Variants in MTSS1 observed in about 807,000 individuals in gnomAD.
The protein encoded by MTSS1 is protein MTSS 1.
MTSS1 carries 18 observed loss-of-function variants against 79.0 expected under a neutral mutation model. The ratio of observed to expected loss-of-function variants is 0.23; its 90% confidence interval spans 0.16 to 0.34. The LOEUF (loss-of-function observed/expected upper bound fraction) is 0.34, where lower values mean the gene tolerates loss of function less well. Among genes scored for constraint, MTSS1 ranks in the 10% least tolerant of loss-of-function variants. The pLI is 1.00. For missense variants in MTSS1, 815 were observed against 986.2 expected, an observed-to-expected ratio of 0.83 and a Z score of 2.33; for synonymous variants, 341 against 368.6, an observed-to-expected ratio of 0.93 and a Z score of 0.86.
intron 3 of MTSS1, among the ~76,000 whole-genome samples, chr8:124,613,149 C>T (rs979947829): frequency 2.0e-5 from 3 of 152,186 alleles, no homozygotes; most frequent in African/African-American, 7.2e-5. Context: ...CAGGGCAACC[C>T]ACCGAACAGG....
chr8:124,703,566 C>T (rs1304679758), intron 2 of MTSS1, among the ~76,000 whole-genome samples: 1 of 152,216 alleles, frequency 6.6e-6, no homozygotes, highest in East Asian at 1.9e-4. Context: ...ACTGGGATTA[C>T]AGGTGTGAGC....
chr8:124,580,063 T>G (rs1320747613), intron 6 of MTSS1: 1 of 152,468 alleles, frequency 6.6e-6, no homozygotes, highest in Admixed American at 6.5e-5. Flanking sequence ...AAATGAATCA[T>G]TGGTTATGGA....
intron 3 of MTSS1, among the ~76,000 whole-genome samples, chr8:124,592,346 C>T (rs1335322859): frequency 6.6e-6 from 1 of 152,124 alleles, no homozygotes; most frequent in Non-Finnish European, 1.5e-5. Flanking sequence ...CACTGGAGGG[C>T]ACAATTATGA....
At chr8:124,565,781 G>A in intron 8 of MTSS1, 22 bp from the exon 9 acceptor site, 2 of 1,570,376 alleles carry the variant, frequency 1.3e-6, no homozygotes, top group Non-Finnish European at 1.8e-6. Flanking sequence ...GAGCCAGCTG[G>A]GTGAATGAGG....
At chr8:124,636,757 G>A (rs1407090704) in intron 3 of MTSS1, among the ~76,000 whole-genome samples, 1 of 152,138 alleles carries the variant, frequency 6.6e-6, no homozygotes, top group Non-Finnish European at 1.5e-5. Flanking sequence ...CATTGGAGAG[G>A]GTGCCCTTGA....
At chr8:124,591,332 T>G in intron 3 of MTSS1, 97 bp from the exon 4 acceptor site, 3 of 976,724 alleles carry the variant, frequency 3.1e-6, no homozygotes, top group Non-Finnish European at 4.9e-6. Flanking sequence ...TTTCACCACA[T>G]TGTAAAATAT....
chr8:124,700,254 G>C (rs1829523659), intron 2 of MTSS1, among the ~76,000 whole-genome samples: 1 of 152,194 alleles, frequency 6.6e-6, no homozygotes, highest in Non-Finnish European at 1.5e-5. Context: ...AAGTGGTAGA[G>C]GTGAAATTAA....
rs148241185 is a variant in MTSS1, at chr8:124,566,962, G to A, written c.726+109C>T. The A allele has an allele frequency of 3.7e-4, 292 of 794,950 alleles. 5 individuals are homozygous for A. In the East Asian group the frequency reaches 5.1e-3, roughly 14 times the overall value. The allele number at this position is 794,950 out of a possible 1,614,324, so 49.2% of individuals were successfully genotyped here. ...CATATATTACATCATGAAGGACGTGGTGAATATGACTACAATTTAAGACGT... is the reference window on the plus strand; with the variant it reads ...CATATATTACATCATGAAGGACGTGATGAATATGACTACAATTTAAGACGT... On this transcript the variant is annotated intron_variant, in intron 8 of 13. Transcript: ENST00000518547.
intron 3 of MTSS1, among the ~76,000 whole-genome samples, chr8:124,691,773 C>G (rs1044393089): frequency 2.0e-5 from 3 of 152,172 alleles, no homozygotes; most frequent in African/African-American, 7.2e-5. Context: ...GCCCCTGCCT[C>G]CCAAAGCACT....
chr8:124,596,294 G>C (rs1161621363), intron 3 of MTSS1, among the ~76,000 whole-genome samples: 3 of 152,002 alleles, frequency 2.0e-5, no homozygotes, highest in African/African-American at 7.3e-5. Context: ...CCAACGTGTT[G>C]CTAAAAGAAA....
intron 3 of MTSS1, among the ~76,000 whole-genome samples, chr8:124,604,329 T>C (rs1834437458): frequency 6.6e-6 from 1 of 152,122 alleles, no homozygotes; most frequent in Non-Finnish European, 1.5e-5. Flanking sequence ...CAACAGGCCA[T>C]GGGTTGGACA....
intron 3 of MTSS1, among the ~76,000 whole-genome samples, chr8:124,647,977 G>A (rs561919538): frequency 1.3e-5 from 2 of 152,314 alleles, no homozygotes; most frequent in Admixed American, 6.5e-5. Flanking sequence ...TCAACCTAGC[G>A]TTTCAAGAGT....
intron 3 of MTSS1, 127 bp downstream of exon 3, chr8:124,699,399 A>G: frequency 1.3e-6 from 1 of 796,110 alleles, no homozygotes; most frequent in East Asian, 2.7e-5. Flanking sequence ...AGAGTTTTAA[A>G]AAATGGGAAA....
At chr8:124,633,832 T>C (rs1278162752) in intron 3 of MTSS1, among the ~76,000 whole-genome samples, 2 of 151,646 alleles carry the variant, frequency 1.3e-5, no homozygotes, top group African/African-American at 4.8e-5. Context: ...GTAATGTTTG[T>C]TGATCCTAGT....
rs1276894835 is a variant in MTSS1, at chr8:124,562,786, T to C, written c.1031A>G (p.Asn344Ser). 1.2e-6 allele frequency: 2 copies of C among 1,613,728 alleles called. No homozygotes were observed. The highest frequency in any genetic ancestry group is 1.7e-6 in the Non-Finnish European group (2 of 1,179,762). Residue 344 changes from asparagine (N) to serine (S), a missense_variant, in exon 10 of 14, where the codon AAC (asparagine) becomes AGC (serine). This residue lies in a region of MTSS1 where 590 missense variants were observed against 620.8 expected (regional missense o/e 0.95). Transcript: ENST00000518547. ...SPSPMPPEAP[N>S]QLSNGFSHYS... is the part of the protein sequence containing the mutation. ...TGGAGCCAAGGGCACCCTTACCTGG[T>C]TGGGGGCCTCTGGCGGCATGGGGGA...
chr8:124,698,204 A>G (rs1457717758), intron 3 of MTSS1: 1 of 152,216 alleles, frequency 6.6e-6, no homozygotes, highest in Non-Finnish European at 1.5e-5. Flanking sequence ...TCATTCAAAT[A>G]CTTTTAAGCA....
At chr8:124,640,128 C>G (rs975198343) in intron 3 of MTSS1, among the ~76,000 whole-genome samples, 4 of 152,156 alleles carry the variant, frequency 2.6e-5, no homozygotes, top group African/African-American at 9.7e-5. Flanking sequence ...TCTGGCCTCC[C>G]CTAGGCCTCA....
At chr8:124,646,243 A>G (rs1818977959) in intron 3 of MTSS1, among the ~76,000 whole-genome samples, 1 of 152,180 alleles carries the variant, frequency 6.6e-6, no homozygotes, top group Non-Finnish European at 1.5e-5. Flanking sequence ...TTAGTCTTTT[A>G]TTTCAATGGC....
chr8:124,565,894 T>A (rs932947663), intron 8 of MTSS1, 135 bp from the exon 9 acceptor site: 13 of 620,988 alleles, frequency 2.1e-5, no homozygotes, highest in Admixed American at 6.3e-5. Context: ...GTTAAAAAAA[T>A]TTTTTTTAAA....
Sources: allele counts gnomAD v4.1 joint callset (sites outside exome capture counted in the v4.1 genomes callset), GRCh38; gene constraint gnomAD v4.1.1; regional missense constraint gnomAD v4.1.1; transcripts MANE v1.5; gene names NCBI Gene and HGNC (gene_info 2026-07-23, HGNC 2026-07-21).